ADGRF3: variants seen among roughly 807,000 people sequenced by gnomAD.
ADGRF3 encodes the protein adhesion G protein-coupled receptor F3.
ADGRF3 carries 85 observed loss-of-function variants against 93.2 expected under a neutral mutation model. That is an observed-to-expected ratio of 0.91 (90% confidence interval 0.77 to 1.09). ADGRF3 has a LOEUF of 1.09. ADGRF3 is among the 50% of genes least tolerant of loss of function. ADGRF3 has a pLI of 0.00. For missense variants in ADGRF3, 1,125 were observed against 1,246.2 expected, an observed-to-expected ratio of 0.90 and a Z score of 1.46; for synonymous variants, 534 against 532.5, an observed-to-expected ratio of 1.00 and a Z score of -0.04.
At chr2:26,319,570 CCTTCCTTCCTTCCTT>C in intron 1 of ADGRF3, among the ~76,000 whole-genome samples, 1 of 49,020 alleles carries the variant, frequency 2.0e-5, no homozygotes, top group Admixed American at 2.3e-4. Context: ...TCCCTCCCTT[CCTTCCTTCCTTCCTT>C]CCTTCCTTCC....
At chr2:26,339,744 G>A (rs542815295) in intron 1 of ADGRF3, among the ~76,000 whole-genome samples, 2 of 152,106 alleles carry the variant, frequency 1.3e-5, no homozygotes, top group African/African-American at 4.8e-5. Flanking sequence ...GGCTAATCTT[G>A]AGATAGGCAG....
At chr2:26,318,722 G>T in intron 1 of ADGRF3, 1 of 572,736 alleles carries the variant, frequency 1.7e-6, no homozygotes, top group Non-Finnish European at 3.1e-6. Flanking sequence ...AGTACAGCAG[G>T]TATCATATGA....
At chr2:26,321,060 C>CT (rs889620944) in intron 1 of ADGRF3, among the ~76,000 whole-genome samples, 6 of 151,046 alleles carry the variant, frequency 4.0e-5, no homozygotes, top group Non-Finnish European at 8.9e-5. Context: ...TAATCATAGA[C>CT]TTTTTTTTTA....
chr2:26,329,034 G>A (rs954105589), intron 1 of ADGRF3, among the ~76,000 whole-genome samples: 10 of 152,216 alleles, frequency 6.6e-5, no homozygotes, highest in East Asian at 1.9e-4. Context: ...ATATTATCAC[G>A]GATAATCTGT....
chr2:26,322,282 CA>C (rs60338868), intron 1 of ADGRF3, among the ~76,000 whole-genome samples: 13,646 of 76,660 alleles, frequency 0.18, 1,364 homozygotes, highest in East Asian at 0.65. Context: ...GAATCTGTCT[CA>C]AAAAAAAAAA....
At position 26,318,352 on chromosome 2, in the gene ADGRF3, G is replaced by A. The variant is rs147022160; in HGVS notation, c.115-790C>T. ...CACGTGCCTTTAGTCCCAGTTACTT[G>A]GGAGGCTGAGGTGGGAGGATCACTT... is the stretch of plus-strand genomic sequence containing the variant. On this transcript the variant is annotated intron_variant, in intron 1 of 13. Transcript: ENST00000651242. Among the ~76,000 whole-genome samples, 360 of 152,278 alleles carry A rather than the reference G, an allele frequency of 2.4e-3. 8 individuals are homozygous for A. The highest frequency in any genetic ancestry group is 0.021 in the Admixed American group (321 of 15,300).
At position 26,313,879 on chromosome 2, in the gene ADGRF3, G is replaced by C. The variant is rs758356786; in HGVS notation, c.953C>G (p.Ser318Cys). ...CTGAACAGCCAGCACAAAGCACTGA[G>C]AGCCTGACTCGTTGAAGGAGGAAGC... ...SKASSFNESGSQCFVLAVQRC... is the reference protein window; with the variant it reads ...SKASSFNESGCQCFVLAVQRC... Residue 318 changes from serine (S) to cysteine (C), a missense_variant, in exon 7 of 14, where the codon TCT becomes TGT. Transcript: ENST00000651242. 5.0e-6 allele frequency: 8 copies of C among 1,614,050 alleles called. No individual in the cohort carries two copies. The African/African-American group carries it at 5.3e-5, about 11-fold the overall frequency.
In ADGRF3 at chr2:26,312,966, G is replaced by A. The variant is rs1674321932; in HGVS notation, c.1426C>T (p.Gln476Ter). The A allele has an allele frequency of 6.2e-7, 1 of 1,613,082 alleles. No homozygotes were observed. ...ACCTTCAGGGCTCTGCGGTCAAGCT[G>A]TATTCTGGCCTCTGCCACCACCTTG... is the stretch of plus-strand genomic sequence containing the variant. The part of the protein sequence containing the change: ...VAKVVAEARI[Q>*]LDRRALKNLL... The change falls in exon 9 of 14, where the codon CAG (glutamine) becomes TAG (stop). Residue 476 changes from glutamine to a stop codon, truncating the protein, a stop_gained. Transcript: ENST00000651242. LOFTEE classifies it high-confidence loss of function.
rs199643938 is a variant in ADGRF3 at position 26,310,975 on chromosome 2, C to A, written c.2549G>T (p.Trp850Leu). 6.2e-7 allele frequency: 1 copy of A among 1,613,838 alleles called. No individual in the cohort carries two copies. Among genetic ancestry groups the A allele is most frequent in the East Asian group, 2.2e-5 (1 of 44,878 alleles). ...QGQYLREGEC[W>L]LDGKGGALYT... Reference sequence around the variant, plus strand: ...TAACGCCCCTCCCTTCCCATCCAACCAGCATTCCCCCTCCCTCAGGTATTG... The same window carrying A: ...TAACGCCCCTCCCTTCCCATCCAACAAGCATTCCCCCTCCCTCAGGTATTG... Residue 850 changes from tryptophan to leucine, a missense_variant, in exon 10 of 14, where the codon TGG (tryptophan) becomes TTG (leucine). By Grantham distance (61) the Trp-to-Leu change is moderately conservative (BLOSUM62 -2). Transcript: ENST00000651242.
Position 26,309,975 on chromosome 2 carries a change from G to A in ADGRF3, c.2937+68C>T, listed in dbSNP as rs566360409. On this transcript the variant is annotated intron_variant, in intron 12 of 13. Coordinates refer to ENST00000651242, the MANE Select transcript of ADGRF3 (RefSeq NM_001321971.2). ...TCTGGCTGTGCCCATGTCCTCTGAG[G>A]AGGGCCATGGAATGCCTTCTGACAT... 6 of 1,614,016 alleles carry A rather than the reference G, an allele frequency of 3.7e-6. No homozygotes were observed. In the South Asian group the frequency reaches 6.6e-5, roughly 18 times the overall value.
chr2:26,335,207 C>T (rs892501133), intron 1 of ADGRF3, among the ~76,000 whole-genome samples: 1 of 152,298 alleles, frequency 6.6e-6, no homozygotes, highest in South Asian at 2.1e-4. Context: ...TCCTTCCCTG[C>T]CCCATCCCCT....
chr2:26,328,573 C>A (rs1290615752), intron 1 of ADGRF3, among the ~76,000 whole-genome samples: 1 of 151,762 alleles, frequency 6.6e-6, no homozygotes, highest in Non-Finnish European at 1.5e-5. Flanking sequence ...CCTGCCTCAG[C>A]CTCCTGAGTA....
At position 26,313,900 on chromosome 2, in the gene ADGRF3, G is replaced by A. The variant is rs746327595; in HGVS notation, c.932C>T (p.Ser311Phe). The A allele has an allele frequency of 2.9e-5, 47 of 1,613,854 alleles. No individual in the cohort carries two copies. Among genetic ancestry groups the A allele is most frequent in the Middle Eastern group, 1.6e-4 (1 of 6,084 alleles). Residue 311 changes from serine (S) to phenylalanine (F), a missense_variant, in exon 7 of 14, where the codon TCC (serine) becomes TTC (phenylalanine). Coordinates refer to ENST00000651242, the MANE Select transcript of ADGRF3 (RefSeq NM_001321971.2). ...AWSPGEGSKA[S>F]SFNESGSQCF... Reference sequence around the variant, plus strand: ...CTGAGAGCCTGACTCGTTGAAGGAGGAAGCTGAAGGCAAAACGAAGAAGGG... The same window carrying A: ...CTGAGAGCCTGACTCGTTGAAGGAGAAAGCTGAAGGCAAAACGAAGAAGGG...
rs1173332014 is a variant in ADGRF3 at position 26,313,422 on chromosome 2, G to A, written c.1224C>T (p.Ser408=). 6.2e-7 allele frequency: 1 copy of A among 1,608,644 alleles called. No individual in the cohort carries two copies. Among genetic ancestry groups the A allele is most frequent in the Admixed American group, 1.7e-5 (1 of 59,312 alleles). Residue 408 remains serine (S), a synonymous_variant, in exon 8 of 14, where the codon AGC becomes AGT. Transcript: ENST00000651242. ...GADGVWGPVH[S]SCTDARLLAL... is the part of the protein sequence containing the mutation. ...CCAGGAGCCTCGCATCTGTGCAGCT[G>A]CTGTGGACCGGCCCCCAGACTCCGT...
At chr2:26,314,019 G>C in intron 6 of ADGRF3, 116 bp from the exon 7 acceptor site, 1 of 1,302,890 alleles carries the variant, frequency 7.7e-7, no homozygotes, top group Non-Finnish European at 1.1e-6. Flanking sequence ...GGAAGCAGTG[G>C]GGAAGAGCCA....
At chr2:26,337,108 G>A (rs1676100514) in intron 1 of ADGRF3, among the ~76,000 whole-genome samples, 1 of 152,188 alleles carries the variant, frequency 6.6e-6, no homozygotes, top group African/African-American at 2.4e-5. Flanking sequence ...CAGCTAATCT[G>A]AAGTGGTAGA....
intron 12 of ADGRF3, 178 bp downstream of exon 12, chr2:26,309,865 C>G (rs1673894791): frequency 4.1e-6 from 6 of 1,451,192 alleles, no homozygotes; most frequent in Admixed American, 4.1e-5. Flanking sequence ...CCTGACTGCT[C>G]TGACCAGGCT....
In ADGRF3 at chr2:26,308,857, A is replaced by C; in HGVS notation, c.*229T>G. On this transcript the variant is annotated 3_prime_UTR_variant, in exon 14 of 14. Coordinates refer to ENST00000651242, the MANE Select transcript of ADGRF3 (RefSeq NM_001321971.2). ...TTCTGGAGCAAAGGCAGGCTTATTC[A>C]TTAGGTGCCTTTAGCTAATTTTTCC... 1.9e-6 allele frequency: 1 copy of C among 525,464 alleles called. No homozygotes were observed. Among genetic ancestry groups the C allele is most frequent in the South Asian group, 3.2e-5 (1 of 30,844 alleles). 32.6% of individuals were successfully genotyped at this position (525,464 alleles called of 1,614,324 possible).
intron 1 of ADGRF3, among the ~76,000 whole-genome samples, chr2:26,343,952 ACT>A (rs532575699): frequency 2.4e-3 from 368 of 152,372 alleles, no homozygotes; most frequent in Non-Finnish European, 4.0e-3. Context: ...ATTAAAAGTT[ACT>A]GTTTTAAAAA....
Sources: allele counts gnomAD v4.1 joint callset (sites outside exome capture counted in the v4.1 genomes callset), GRCh38; gene constraint gnomAD v4.1.1; transcripts MANE v1.5; gene names NCBI Gene and HGNC (gene_info 2026-07-23, HGNC 2026-07-21).